The following HSP90B1 variants were observed in gnomAD, a reference collection of about 807,000 sequenced individuals.
HSP90B1 encodes endoplasmin.
In HSP90B1, 27 loss-of-function variants were observed where a neutral mutation model predicts 100.4. The observed-to-expected ratio is 0.27, with a 90% confidence interval of 0.20 to 0.37. The LOEUF is 0.37. HSP90B1 is among the 10% of genes least tolerant of loss of function. The pLI is 1.00. For synonymous variants in HSP90B1, 304 were observed against 330.8 expected, an observed-to-expected ratio of 0.92 and a Z score of 0.88; for missense variants, 678 against 960.5, an observed-to-expected ratio of 0.71 and a Z score of 3.89.
At chr12:103,942,915 G>A in intron 12 of HSP90B1, 119 bp downstream of exon 12, 1 of 1,421,112 alleles carries the variant, frequency 7.0e-7, no homozygotes, top group Non-Finnish European at 9.6e-7. Context: ...TATAAGGCCT[G>A]GTCAGTCACT....
chr12:103,937,554 GT>G, intron 5 of HSP90B1, 140 bp from the exon 6 acceptor site: 2 of 619,690 alleles, frequency 3.2e-6, no homozygotes, highest in Non-Finnish European at 2.9e-6. Context: ...ACAAACCCTT[GT>G]TGGTGATGGA....
In HSP90B1 at chr12:103,943,995, A is replaced by AT; in HGVS notation, c.2027+122dup. The stretch of plus-strand genomic sequence containing the variant: ...CCTTAAATGTCTACCACTGTCTACT[A>AT]TAAGGTAGACAACAAGTTTACGAAG... On this transcript the variant is annotated intron_variant, in intron 14 of 17. Transcript: ENST00000299767. The surrounding 1 kb of genome is among the most constrained non-coding windows in gnomAD (Gnocchi z 5.3). The AT allele has an allele frequency of 1.2e-6, 1 of 828,362 alleles. No individual in the cohort carries two copies. The highest frequency in any genetic ancestry group is 2.4e-5 in the South Asian group (1 of 41,374). 51.3% of individuals were successfully genotyped at this position (828,362 alleles called of 1,614,324 possible). A position where few individuals can be genotyped will look rare whatever the true frequency, so the allele number is the denominator to read the frequency against.
chr12:103,932,019 G>A, intron 2 of HSP90B1: 1 of 448,914 alleles, frequency 2.2e-6, no homozygotes, highest in Non-Finnish European at 4.0e-6. Context: ...AAATGAGTAT[G>A]ACTTTGCTTT....
chr12:103,941,388 C>T (rs1309523268), intron 8 of HSP90B1, 22 bp from the exon 9 acceptor site: 1 of 1,609,934 alleles, frequency 6.2e-7, no homozygotes, highest in Non-Finnish European at 8.5e-7. Context: ...GTTTGAATGA[C>T]TAAGATACCA....
chr12:103,942,385 G>A, intron 11 of HSP90B1, 142 bp from the exon 12 acceptor site: 1 of 713,932 alleles, frequency 1.4e-6, no homozygotes, highest in Non-Finnish European at 2.3e-6. Context: ...GAATGAATTG[G>A]AGTGCTTCAC....
At chr12:103,941,586 A>G (rs201772081) in intron 9 of HSP90B1, 39 bp downstream of exon 9, 17 of 1,613,722 alleles carry the variant, frequency 1.1e-5, no homozygotes, top group South Asian at 8.8e-5. Context: ...TTAAAATTTG[A>G]AAGTTTAATT....
At chr12:103,940,335 GT>G (rs1350868517) in intron 8 of HSP90B1, among the ~76,000 whole-genome samples, 36 of 147,486 alleles carry the variant, frequency 2.4e-4, no homozygotes, top group South Asian at 4.3e-4. Context: ...TTCCTTGCCT[GT>G]TTTTTTTTTT....
At chr12:103,942,402 C>T in intron 11 of HSP90B1, 125 bp from the exon 12 acceptor site, 1 of 835,984 alleles carries the variant, frequency 1.2e-6, no homozygotes, top group Non-Finnish European at 1.8e-6. Flanking sequence ...TCACCATTTC[C>T]TGCCCCTCAA....
chr12:103,934,593 G>C (rs2136213212), intron 5 of HSP90B1, among the ~76,000 whole-genome samples: 1 of 152,330 alleles, frequency 6.6e-6, no homozygotes. Flanking sequence ...GGTTAGAAGA[G>C]TAATTTGTCT....
chr12:103,932,985 TC>T (rs1313715514), intron 4 of HSP90B1, 43 bp downstream of exon 4: 3 of 1,001,150 alleles, frequency 3.0e-6, no homozygotes, highest in Non-Finnish European at 4.8e-6. Context: ...GGAAAAGGAA[TC>T]CTTAAAGGTA....
Position 103,943,732 on chromosome 12 carries a change from C to G in HSP90B1, c.1891-6C>G. 6.2e-7 allele frequency: 1 copy of G among 1,610,622 alleles called. No individual in the cohort carries two copies. The highest frequency in any genetic ancestry group is 8.5e-7 in the Non-Finnish European group (1 of 1,178,836). ...TAATTTATATGACTTGATTTCTTTCCCTAAGATTGAAAAGGCTGTGGTGTC... is the reference window on the plus strand; with the variant it reads ...TAATTTATATGACTTGATTTCTTTCGCTAAGATTGAAAAGGCTGTGGTGTC... On this transcript the variant is annotated splice_polypyrimidine_tract_variant and splice_region_variant and intron_variant, in intron 13 of 17. Transcript: ENST00000299767. This position sits in a 1 kb window ranked among gnomAD's most constrained non-coding sequence, Gnocchi z 5.3.
Position 103,947,317 on chromosome 12 carries a change from G to A in HSP90B1, c.2269G>A (p.Glu757Lys). The A allele has an allele frequency of 6.3e-7, 1 of 1,595,532 alleles. No homozygotes were observed. The highest frequency in any genetic ancestry group is 8.5e-7 in the Non-Finnish European group (1 of 1,173,502). Residue 757 changes from glutamate to lysine, a missense_variant, in exon 17 of 18, where the codon GAA (glutamate) becomes AAA (lysine). Coordinates refer to ENST00000299767, the MANE Select transcript of HSP90B1 (RefSeq NM_003299.3). ...LNIDPDAKVEEEPEEEPEETA... is the reference protein window; with the variant it reads ...LNIDPDAKVEKEPEEEPEETA... ...CCATAAATGTTGTGTTTAGGTGGAA[G>A]AAGAGCCCGAAGAAGAACCTGAAGA...
chr12:103,933,452 CAACTCATTGGCCATTTAT>C lies in HSP90B1; in HGVS notation c.412-490_412-473del, dbSNP rs1207769354. 2.0e-5 allele frequency among the ~76,000 whole-genome samples: 3 copies of C among 152,356 alleles called. No homozygotes were observed. In the East Asian group the frequency reaches 5.8e-4, roughly 29 times the overall value. On this transcript the variant is annotated intron_variant, in intron 4 of 17. Coordinates refer to ENST00000299767, the MANE Select transcript of HSP90B1 (RefSeq NM_003299.3). The stretch of plus-strand genomic sequence containing the variant: ...AGCCTGAAAACAGAGCTCTCCTTTA[CAACTCATTGGCCATTTAT>C]AACTCATTGGCCAAAACTAGTCACA...
chr12:103,941,958 C>A, intron 11 of HSP90B1, 61 bp downstream of exon 11: 2 of 1,263,638 alleles, frequency 1.6e-6, no homozygotes, highest in Non-Finnish European at 2.2e-6. Context: ...AGAGGACAGG[C>A]TCCATTTGTG....
intron 5 of HSP90B1, among the ~76,000 whole-genome samples, chr12:103,936,675 G>T (rs1869927229): frequency 6.6e-6 from 1 of 150,776 alleles, no homozygotes; most frequent in Non-Finnish European, 1.5e-5. Flanking sequence ...ATGGGTGCCA[G>T]CTGTACAGCT....
chr12:103,939,653 G>T (rs1236588656), intron 8 of HSP90B1, 28 bp downstream of exon 8: 1 of 1,053,792 alleles, frequency 9.5e-7, no homozygotes, highest in Admixed American at 2.4e-5. Context: ...CCTAGTTTCT[G>T]GTTATTAATG....
In HSP90B1 at chr12:103,937,752, C is replaced by T. The variant is rs979873114; in HGVS notation, c.801C>T (p.Leu267=). 2 of 1,596,828 alleles carry T rather than the reference C, an allele frequency of 1.3e-6. No homozygotes were observed. Among genetic ancestry groups the T allele is most frequent in the East Asian group, 2.2e-5 (1 of 44,722 alleles). Residue 267 remains leucine (L), a synonymous_variant, in exon 6 of 18, where the codon CTC becomes CTT. Transcript: ENST00000299767. The part of the protein sequence containing the change: ...DYLELDTIKN[L]VKKYSQFINF... Reference sequence around the variant, plus strand: ...TTGAATTGGATACAATTAAAAATCTCGTCAAAAAATATTCACAGTTCATAA... The same window carrying T: ...TTGAATTGGATACAATTAAAAATCTTGTCAAAAAATATTCACAGTTCATAA...
At position 103,941,394 on chromosome 12, in the gene HSP90B1, T is replaced by A. The variant is rs775215235; in HGVS notation, c.1093-16T>A. On this transcript the variant is annotated splice_polypyrimidine_tract_variant and intron_variant, in intron 8 of 17. Transcript: ENST00000299767. ...TCCTGTGTCGTTTGAATGACTAAGA[T>A]ACCAACTTTCCACAGGAAAGTGATG... The A allele has an allele frequency of 1.9e-6, 3 of 1,611,126 alleles. No individual in the cohort carries two copies.
rs762350787 is a variant in HSP90B1, at chr12:103,938,459, A to T, written c.975A>T (p.Lys325Asn). Reference sequence around the variant, plus strand: ...AAGAAAAGAAACCAAAGACTAAAAAAGTAAGTCTGGTTTATCTCCCTGCAT... The same window carrying T: ...AAGAAAAGAAACCAAAGACTAAAAATGTAAGTCTGGTTTATCTCCCTGCAT... ...EEEEKKPKTK[K>N]VEKTVWDWEL... The change falls in exon 7 of 18, where the codon AAA becomes AAT. Residue 325 changes from lysine to asparagine, a missense_variant and splice_region_variant. Around this residue, in one of 8 missense-constraint regions of HSP90B1, gnomAD observed 238 missense variants for 346.7 expected, o/e 0.69. Coordinates refer to ENST00000299767, the MANE Select transcript of HSP90B1 (RefSeq NM_003299.3). 2 of 1,609,602 alleles carry T rather than the reference A, an allele frequency of 1.2e-6. No homozygotes were observed. The highest frequency in any genetic ancestry group is 1.7e-6 in the Non-Finnish European group (2 of 1,178,154).
Sources: allele counts gnomAD v4.1 joint callset (sites outside exome capture counted in the v4.1 genomes callset), GRCh38; gene constraint gnomAD v4.1.1; regional missense constraint gnomAD v4.1.1; non-coding constraint Gnocchi (gnomAD v3.1); transcripts MANE v1.5; gene names NCBI Gene and HGNC (gene_info 2026-07-23, HGNC 2026-07-21).